The following EVC variants were observed in gnomAD, a reference collection of about 807,000 sequenced individuals.
The protein encoded by EVC is evC complex member EVC.
Under a neutral mutation model 118.9 loss-of-function variants are expected in EVC, and 116 were observed. That is an observed-to-expected ratio of 0.98 (90% confidence interval 0.84 to 1.14). The LOEUF (loss-of-function observed/expected upper bound fraction) is 1.14, where lower values mean the gene tolerates loss of function less well. Ranked by LOEUF, EVC falls within the 50% of genes most tolerant of loss-of-function variation. EVC has a pLI of 0.00. For synonymous variants in EVC, 619 were observed against 534.7 expected, an observed-to-expected ratio of 1.16 and a Z score of -2.18; for missense variants, 1,401 against 1,246.4, an observed-to-expected ratio of 1.12 and a Z score of -1.87.
chr4:5,764,332 A>G (rs1361325623), intron 11 of EVC, among the ~76,000 whole-genome samples: 4 of 136,294 alleles, frequency 2.9e-5, no homozygotes, highest in African/African-American at 8.3e-5. Flanking sequence ...TTTTGCATCA[A>G]TGTTCATCAA....
chr4:5,718,392 A>G (rs980711941), intron 1 of EVC, among the ~76,000 whole-genome samples: 14 of 152,192 alleles, frequency 9.2e-5, no homozygotes, highest in Admixed American at 2.6e-4. Flanking sequence ...AAGCTTCTGT[A>G]ACACACCCAT....
rs149201433 is a variant in EVC, at chr4:5,743,248, T to G, written c.801+1434T>G. On this transcript the variant is annotated intron_variant, in intron 6 of 20. Transcript: ENST00000264956. The surrounding 1 kb of genome is among the most constrained non-coding windows in gnomAD (Gnocchi z 4.7). ...GCCGGTTTCTTCACTTTATCCTGTC[T>G]GGACCAGATCCCATTTTGATCAGCA... Among the ~76,000 whole-genome samples, 37 of 152,272 alleles carry G rather than the reference T, an allele frequency of 2.4e-4. No individual in the cohort carries two copies. The highest frequency in any genetic ancestry group is 8.9e-4 in the African/African-American group (37 of 41,556).
intron 17 of EVC, among the ~76,000 whole-genome samples, chr4:5,806,372 G>C (rs1168050393): frequency 3.3e-5 from 5 of 151,994 alleles, no homozygotes; most frequent in Non-Finnish European, 2.9e-5. Flanking sequence ...GAGCCACTGC[G>C]CCCAGCCTGT....
chr4:5,772,219 A>G (rs746249908), intron 11 of EVC, among the ~76,000 whole-genome samples: 1 of 152,100 alleles, frequency 6.6e-6, no homozygotes, highest in Non-Finnish European at 1.5e-5. Context: ...TTAATTTAGT[A>G]AAACTACTGG....
intron 11 of EVC, among the ~76,000 whole-genome samples, chr4:5,771,920 A>G (rs1734036839): frequency 6.7e-6 from 1 of 149,744 alleles, no homozygotes; most frequent in African/African-American, 2.5e-5. Flanking sequence ...TATTATTTTG[A>G]GACGTCTCAC....
At chr4:5,766,168 A>G (rs2152151528) in intron 11 of EVC, among the ~76,000 whole-genome samples, 2 of 149,932 alleles carry the variant, frequency 1.3e-5, no homozygotes, top group South Asian at 4.3e-4. Context: ...TATGAAGCAT[A>G]GTTTGGCTGG....
At position 5,781,752 on chromosome 4, in the gene EVC, G is replaced by A. The variant is rs184972482; in HGVS notation, c.1564-1800G>A. Among the ~76,000 whole-genome samples the A allele has an allele frequency of 5.9e-5, 9 of 152,158 alleles. No individual in the cohort carries two copies. In the East Asian group the frequency reaches 1.7e-3, roughly 29 times the overall value. ...CTATTTGGGAGGCTGAGGTGAGAGG[G>A]TCACCTGAGTCCAGGAAGTCGAGGG... On this transcript the variant is annotated intron_variant, in intron 11 of 20. Transcript: ENST00000264956.
chr4:5,822,892 C>T, the EVC span, among the ~76,000 whole-genome samples: 3 of 152,338 alleles, frequency 2.0e-5, no homozygotes, highest in African/African-American at 4.8e-5. Context: ...AAGCCCTCTT[C>T]GGCACACAGC....
the EVC span, chr4:5,824,463 A>T: frequency 1.0e-6 from 1 of 985,064 alleles, no homozygotes. Flanking sequence ...GCCACCACAC[A>T]ATCTGAATTC....
intron 17 of EVC, among the ~76,000 whole-genome samples, chr4:5,807,362 A>G (rs979233673): frequency 1.3e-5 from 2 of 152,212 alleles, no homozygotes; most frequent in Non-Finnish European, 2.9e-5. Flanking sequence ...GGCGGACAGA[A>G]GAGTGTGAGG....
In EVC at chr4:5,748,932, G is replaced by C. The variant is rs982400411; in HGVS notation, c.1098+626G>C. On this transcript the variant is annotated intron_variant, in intron 8 of 20. Coordinates refer to ENST00000264956, the MANE Select transcript of EVC (RefSeq NM_153717.3). The stretch of plus-strand genomic sequence containing the variant: ...AAAAAGTACTGATTCTTGGGCCCCA[G>C]ATGGGTCTCCATCCCAGAGTTTCTG... Among the ~76,000 whole-genome samples, 15 of 106,038 alleles carry C rather than the reference G, an allele frequency of 1.4e-4. No homozygotes were observed. In the Admixed American group the frequency reaches 1.6e-3, roughly 12 times the overall value. 69.6% of individuals were successfully genotyped at this position (106,038 alleles called of 152,430 possible).
At chr4:5,768,092 T>C (rs1014901838) in intron 11 of EVC, among the ~76,000 whole-genome samples, 2 of 152,032 alleles carry the variant, frequency 1.3e-5, no homozygotes, top group Admixed American at 6.5e-5. Flanking sequence ...GCAGCAGCAG[T>C]GAGGCCAGTG....
chr4:5,712,853 T>G (rs1177851708), intron 1 of EVC, among the ~76,000 whole-genome samples: 1 of 152,210 alleles, frequency 6.6e-6, no homozygotes, highest in South Asian at 2.1e-4. Flanking sequence ...GAGACTTGGC[T>G]GGGTGTCCTG....
chr4:5,808,467 C>G (rs1716370782), intron 18 of EVC, 140 bp downstream of exon 18: 2 of 1,376,672 alleles, frequency 1.5e-6, no homozygotes, highest in Non-Finnish European at 1.0e-6. Context: ...TGAGTCTCAC[C>G]TGCTGAGGGT....
At chr4:5,821,570 A>G in the EVC span, 1 of 597,304 alleles carries the variant, frequency 1.7e-6, no homozygotes, top group Non-Finnish European at 2.9e-6. This position sits in a 1 kb window ranked among gnomAD's most constrained non-coding sequence, Gnocchi z 4.4. Flanking sequence ...ACTGTGGGGC[A>G]AGGAATTTCC....
intron 5 of EVC, among the ~76,000 whole-genome samples, chr4:5,734,900 T>G (rs1727426467): frequency 6.6e-6 from 1 of 152,218 alleles, no homozygotes; most frequent in Non-Finnish European, 1.5e-5. Context: ...TGGCCCTGGC[T>G]GTTTTCTCCA....
Position 5,753,905 on chromosome 4 carries a change from C to T in EVC, c.1436C>T (p.Pro479Leu), listed in dbSNP as rs748009991. 1.6e-5 allele frequency: 26 copies of T among 1,613,418 alleles called. No homozygotes were observed. The highest frequency in any genetic ancestry group is 1.2e-4 in the Admixed American group (7 of 60,000). The change falls in exon 10 of 21, where the codon CCG becomes CTG. Residue 479 changes from proline to leucine, a missense_variant. Transcript: ENST00000264956. ...AGAAGCTTCCTGGCTGAGGCCCAGC[C>T]GACTGCTGACCCGGAAAAGTTTCTC... ...EQRSFLAEAQPTADPEKFLEA... is the reference protein window; with the variant it reads ...EQRSFLAEAQLTADPEKFLEA...
chr4:5,804,959 A>C, intron 17 of EVC, 118 bp downstream of exon 17: 1 of 887,128 alleles, frequency 1.1e-6, no homozygotes, highest in Non-Finnish European at 1.8e-6. Flanking sequence ...CTTGGGGGCC[A>C]TCGGCCTTCC....
chr4:5,813,487 G>A lies in EVC; in HGVS notation c.*2450G>A, dbSNP rs576175871. 5.3e-5 allele frequency: 8 copies of A among 152,316 alleles called. No individual in the cohort carries two copies. The highest frequency in any genetic ancestry group is 4.6e-4 in the Admixed American group (7 of 15,304). The allele number at this position is 152,316 out of a possible 1,614,324, so 9.4% of individuals were successfully genotyped here. On this transcript the variant is annotated 3_prime_UTR_variant, in exon 21 of 21. Coordinates refer to ENST00000264956, the MANE Select transcript of EVC (RefSeq NM_153717.3). ...CCTCCCCAAAGTGCTGAGATTAGGC[G>A]TTAGCCACCGCGCCCGGCCAGAAAT...
Sources: allele counts gnomAD v4.1 joint callset (sites outside exome capture counted in the v4.1 genomes callset), GRCh38; gene constraint gnomAD v4.1.1; non-coding constraint Gnocchi (gnomAD v3.1); transcripts MANE v1.5; gene names NCBI Gene and HGNC (gene_info 2026-07-23, HGNC 2026-07-21).